The following CYP4X1 variants were observed in gnomAD, a reference collection of about 807,000 sequenced individuals.
CYP4X1 encodes the protein cytochrome P450 family 4 subfamily X member 1.
A neutral mutation model predicts 57.9 loss-of-function variants in CYP4X1; 44 were observed. The observed-to-expected ratio is 0.76, with a 90% CI of 0.60 to 0.98. The LOEUF (loss-of-function observed/expected upper bound fraction) is 0.98, where lower values mean the gene tolerates loss of function less well. Ranked by LOEUF, CYP4X1 falls within the 50% of genes least tolerant of loss-of-function variation. CYP4X1 has a pLI of 0.00. For synonymous variants in CYP4X1, 227 were observed against 228.6 expected (o/e 0.99, Z 0.06); for missense variants, 532 against 623.9 (o/e 0.85, Z 1.57).
At position 47,048,611 on chromosome 1, in the gene CYP4X1, TG is replaced by T. The variant is rs773463211; in HGVS notation, c.1255del (p.Val419SerfsTer11). 2 of 1,612,818 alleles carry T rather than the reference TG, an allele frequency of 1.2e-6. No homozygotes were observed. Among genetic ancestry groups the T allele is most frequent in the East Asian group, 4.5e-5 (2 of 44,880 alleles). On this transcript the variant is annotated frameshift_variant, in exon 10 of 12. Transcript: ENST00000371901. LOFTEE classifies it high-confidence loss of function. ...SIWGLHHNPA[V>X]WKNPKVFDPL... ...TTTGGGGTCTTCACCACAACCCTGCTGTCTGGAAAAACCCAAAGGTATGATT... is the reference window on the plus strand; with the variant it reads ...TTTGGGGTCTTCACCACAACCCTGCTTCTGGAAAAACCCAAAGGTATGATT...
At chr1:47,007,595 G>A in the CYP4X1 span, among the ~76,000 whole-genome samples, 1 of 152,226 alleles carries the variant, frequency 6.6e-6, no homozygotes, top group Non-Finnish European at 1.5e-5. Flanking sequence ...TTGACGAGTT[G>A]AGAGAAGAAG....
rs976566689 is a variant in CYP4X1 at position 47,048,190 on chromosome 1, C to CGTGA, written c.1208-373_1208-370dup. Among the ~76,000 whole-genome samples, 9 of 152,184 alleles carry CGTGA rather than the reference C, an allele frequency of 5.9e-5. No homozygotes were observed. In the South Asian group the frequency reaches 1.2e-3, roughly 21 times the overall value. Reference sequence around the variant, plus strand: ...CTTGAGCTCAGAAGTTCAAGGTTACCGTGAGCAATGTTCACGCCACTGCTC... The same window carrying CGTGA: ...CTTGAGCTCAGAAGTTCAAGGTTACCGTGAGTGAGCAATGTTCACGCCACTGCTC... On this transcript the variant is annotated intron_variant, in intron 9 of 11. Transcript: ENST00000371901.
At chr1:47,051,387 A>G (rs1644359565), downstream of CYP4X1, among the ~76,000 whole-genome samples, 1 of 151,788 alleles carries the variant, frequency 6.6e-6, no homozygotes, top group African/African-American at 2.4e-5. Context: ...TCAAAAAAAA[A>G]AAAAAGGACA....
At chr1:47,022,706 G>A (rs1644012112), upstream of CYP4X1, among the ~76,000 whole-genome samples, 1 of 152,210 alleles carries the variant, frequency 6.6e-6, no homozygotes, top group African/African-American at 2.4e-5. Context: ...GACAGTGATA[G>A]GGAGAACAGG....
Position 47,023,907 on chromosome 1 carries a change from T to C in CYP4X1, c.90T>C (p.Ile30=). 1 of 1,613,716 alleles carries C rather than the reference T, an allele frequency of 6.2e-7. No individual in the cohort carries two copies. The highest frequency in any genetic ancestry group is 1.3e-5 in the African/African-American group (1 of 75,062). Residue 30 remains isoleucine (I), a synonymous_variant, in exon 1 of 12, where the codon ATT becomes ATC. Coordinates refer to ENST00000371901, the MANE Select transcript of CYP4X1 (RefSeq NM_178033.2). ...FCLALGLLQA[I]KLYLRRQRLL... ...TGGCCCTGGGGCTGCTGCAGGCCAT[T>C]AAGCTGTACCTGCGGAGGCAGCGGC...
the CYP4X1 span, among the ~76,000 whole-genome samples, chr1:46,970,030 C>T: frequency 6.6e-6 from 1 of 152,142 alleles, no homozygotes; most frequent in African/African-American, 2.4e-5. Flanking sequence ...GTAAGACTAG[C>T]AAGGTGTCTG....
the CYP4X1 span, among the ~76,000 whole-genome samples, chr1:47,015,991 A>C: frequency 6.6e-6 from 1 of 152,040 alleles, no homozygotes; most frequent in Non-Finnish European, 1.5e-5. Context: ...CTATTTATCT[A>C]CCTTCCCACC....
chr1:47,039,741 T>C, intron 8 of CYP4X1: 2 of 377,310 alleles, frequency 5.3e-6, no homozygotes, highest in Non-Finnish European at 4.7e-6. Context: ...TATCCATAAA[T>C]TGTCTGTCAT....
At chr1:47,021,896 T>G (rs1021828), upstream of CYP4X1, among the ~76,000 whole-genome samples, 18 of 152,008 alleles carry the variant, frequency 1.2e-4, no homozygotes, top group Admixed American at 1.2e-3. Flanking sequence ...CTCGGTCTCA[T>G]GAAGAACCCA....
intron 8 of CYP4X1, among the ~76,000 whole-genome samples, chr1:47,042,298 T>C (rs1644255536): frequency 6.9e-6 from 1 of 145,236 alleles, no homozygotes; most frequent in South Asian, 2.2e-4. Flanking sequence ...TTTTTTTTTT[T>C]TCGATTACTG....
chr1:47,038,628 C>T (rs1394674914), intron 6 of CYP4X1, 32 bp from the exon 7 acceptor site: 7 of 1,540,202 alleles, frequency 4.5e-6, no homozygotes, highest in Non-Finnish European at 6.2e-6. Context: ...TTTGCCATCA[C>T]TTTGGTAATT....
chr1:47,054,951 A>T (rs533959265), downstream of CYP4X1, among the ~76,000 whole-genome samples: 2 of 152,226 alleles, frequency 1.3e-5, no homozygotes, highest in East Asian at 3.9e-4. Flanking sequence ...AACTTCCAAC[A>T]CTATGTTGAA....
the CYP4X1 span, among the ~76,000 whole-genome samples, chr1:47,014,147 A>G: frequency 6.6e-6 from 1 of 152,198 alleles, no homozygotes; most frequent in Admixed American, 6.5e-5. Flanking sequence ...GATACTGGAT[A>G]TTGACATTGT....
At chr1:47,053,508 G>C (rs1364452008), downstream of CYP4X1, among the ~76,000 whole-genome samples, 2 of 152,156 alleles carry the variant, frequency 1.3e-5, no homozygotes, top group African/African-American at 2.4e-5. Context: ...CTTCCACAAT[G>C]GTTGAACTAG....
At chr1:46,980,487 C>A in the CYP4X1 span, among the ~76,000 whole-genome samples, 1 of 152,136 alleles carries the variant, frequency 6.6e-6, no homozygotes, top group African/African-American at 2.4e-5. Flanking sequence ...AGGACACAAA[C>A]AAATGGAAGA....
At chr1:47,015,454 A>T in the CYP4X1 span, among the ~76,000 whole-genome samples, 2 of 150,126 alleles carry the variant, frequency 1.3e-5, no homozygotes, top group Non-Finnish European at 2.9e-5. Context: ...AGGATTCTCT[A>T]AAAAAAACTC....
chr1:47,008,081 A>C, the CYP4X1 span, among the ~76,000 whole-genome samples: 2 of 152,314 alleles, frequency 1.3e-5, no homozygotes, highest in Admixed American at 1.3e-4. Flanking sequence ...AATGCCACAA[A>C]GATACTCCTC....
the CYP4X1 span, among the ~76,000 whole-genome samples, chr1:46,963,073 A>G: frequency 6.6e-6 from 1 of 151,478 alleles, no homozygotes; most frequent in South Asian, 2.1e-4. Flanking sequence ...TAGAATTGCA[A>G]CCCCTGCCTT....
the CYP4X1 span, among the ~76,000 whole-genome samples, chr1:47,001,615 T>C: frequency 6.6e-6 from 1 of 152,160 alleles, no homozygotes; most frequent in African/African-American, 2.4e-5. Flanking sequence ...GGGTCTAAGC[T>C]CCTGCCTTGC....
Sources: allele counts gnomAD v4.1 joint callset (sites outside exome capture counted in the v4.1 genomes callset), GRCh38; gene constraint gnomAD v4.1.1; transcripts MANE v1.5; gene names NCBI Gene and HGNC (gene_info 2026-07-23, HGNC 2026-07-21).